Variants in FHIT observed in about 807,000 individuals in gnomAD.
FHIT encodes bis(5'-adenosyl)-triphosphatase.
Under a neutral mutation model 17.9 loss-of-function variants are expected in FHIT, and 19 were observed. The observed-to-expected ratio is 1.06, with a 90% confidence interval of 0.74 to 1.56. The LOEUF (loss-of-function observed/expected upper bound fraction) is 1.56. Ranked by LOEUF, FHIT falls within the 40% of genes most tolerant of loss-of-function variation. The probability of loss-of-function intolerance (pLI) is 0.00; values close to 1 mark genes in which losing one functional copy is unlikely to be tolerated. For synonymous variants in FHIT, 81 were observed against 69.7 expected, an observed-to-expected ratio of 1.16 and a Z score of -0.81; for missense variants, 248 against 189.2, an observed-to-expected ratio of 1.31 and a Z score of -1.82.
chr3:60,352,783 G>A (rs1025517477), intron 5 of FHIT, among the ~76,000 whole-genome samples: 1 of 152,106 alleles, frequency 6.6e-6, no homozygotes, highest in African/African-American at 2.4e-5. Flanking sequence ...CAGGTCACTG[G>A]GTTTACAGGC....
intron 5 of FHIT, among the ~76,000 whole-genome samples, chr3:60,169,046 G>C (rs539643433): frequency 6.0e-4 from 92 of 152,302 alleles, no homozygotes; most frequent in Middle Eastern, 6.8e-3. Context: ...AAAGTACGTG[G>C]ATGACCTAGA....
chr3:60,660,813 CTGTT>C (rs1171926076), intron 4 of FHIT, among the ~76,000 whole-genome samples: 2 of 119,010 alleles, frequency 1.7e-5, no homozygotes, highest in African/African-American at 6.2e-5. Flanking sequence ...TCTAATTGGA[CTGTT>C]TGGGTTTTTT....
intron 8 of FHIT, among the ~76,000 whole-genome samples, chr3:59,902,474 A>G (rs1704374324): frequency 6.6e-6 from 1 of 152,110 alleles, no homozygotes; most frequent in African/African-American, 2.4e-5. Flanking sequence ...TCCCCCATCC[A>G]AAAGAGATAT....
chr3:61,203,851 A>G (rs1323651752), intron 1 of FHIT, among the ~76,000 whole-genome samples: 1 of 152,248 alleles, frequency 6.6e-6, no homozygotes, highest in Non-Finnish European at 1.5e-5. Context: ...TGTCTATATA[A>G]GCAAAGAGGC....
chr3:60,137,668 C>A (rs190660024), intron 5 of FHIT, among the ~76,000 whole-genome samples: 1 of 152,132 alleles, frequency 6.6e-6, no homozygotes, highest in Non-Finnish European at 1.5e-5. Flanking sequence ...GTTAGGAAAT[C>A]TGAGGTCTTT....
At chr3:60,639,030 A>G (rs538114028) in intron 4 of FHIT, among the ~76,000 whole-genome samples, 17 of 149,290 alleles carry the variant, frequency 1.1e-4, no homozygotes, top group Admixed American at 3.4e-4. Flanking sequence ...AAGCTGTTCA[A>G]AAGCATCAGA....
chr3:60,687,217 A>T (rs142155489), intron 4 of FHIT, among the ~76,000 whole-genome samples: 162 of 152,326 alleles, frequency 1.1e-3, no homozygotes, highest in Non-Finnish European at 2.0e-3. Flanking sequence ...TAACAGAAAA[A>T]AAAGGAGTCT....
chr3:60,340,629 G>A (rs973281422), intron 5 of FHIT, among the ~76,000 whole-genome samples: 4 of 152,202 alleles, frequency 2.6e-5, no homozygotes, highest in Non-Finnish European at 5.9e-5. Context: ...ATGGGCTGCA[G>A]GATAATTAAT....
At chr3:60,285,729 T>C (rs1346464379) in intron 5 of FHIT, among the ~76,000 whole-genome samples, 1 of 152,238 alleles carries the variant, frequency 6.6e-6, no homozygotes, top group African/African-American at 2.4e-5. Flanking sequence ...GCTGAGATCT[T>C]GGCTGAGACT....
At chr3:60,236,263 T>C (rs749844727) in intron 5 of FHIT, among the ~76,000 whole-genome samples, 6 of 149,858 alleles carry the variant, frequency 4.0e-5, no homozygotes, top group African/African-American at 7.4e-5. Context: ...TTTCTATGTG[T>C]TTGCCACACA....
At chr3:60,447,816 C>T (rs1007517619) in intron 5 of FHIT, among the ~76,000 whole-genome samples, 1 of 152,130 alleles carries the variant, frequency 6.6e-6, no homozygotes, top group African/African-American at 2.4e-5. Flanking sequence ...CAACTTAAGC[C>T]TTTCTGTAGA....
chr3:60,917,560 T>C (rs536730054), intron 3 of FHIT, among the ~76,000 whole-genome samples: 1 of 152,350 alleles, frequency 6.6e-6, no homozygotes, highest in South Asian at 2.1e-4. Flanking sequence ...CTCCCTACAC[T>C]GGCCTCTATC....
At chr3:60,930,503 T>C (rs1392779465) in intron 3 of FHIT, among the ~76,000 whole-genome samples, 1 of 151,812 alleles carries the variant, frequency 6.6e-6, no homozygotes, top group African/African-American at 2.4e-5. Flanking sequence ...CTACAAAGAA[T>C]CAAACAGATT....
chr3:60,744,185 G>A (rs1248681006), intron 4 of FHIT, among the ~76,000 whole-genome samples: 2 of 135,538 alleles, frequency 1.5e-5, no homozygotes, highest in African/African-American at 2.8e-5. Context: ...GTCTACTGAC[G>A]AAAAACGCGT....
intron 4 of FHIT, among the ~76,000 whole-genome samples, chr3:60,593,259 C>CT (rs1273356814): frequency 6.6e-6 from 1 of 152,094 alleles, no homozygotes; most frequent in Non-Finnish European, 1.5e-5. Context: ...ACAGGAGATC[C>CT]TTTTTTGTCC....
chr3:59,936,454 T>C (rs1295026004), intron 7 of FHIT, among the ~76,000 whole-genome samples: 1 of 113,778 alleles, frequency 8.8e-6, no homozygotes, highest in Non-Finnish European at 1.9e-5. Context: ...ATAATTACAG[T>C]TCTTTAATTT....
intron 7 of FHIT, among the ~76,000 whole-genome samples, chr3:59,992,916 C>T (rs537461414): frequency 3.2e-4 from 48 of 152,074 alleles, no homozygotes; most frequent in Non-Finnish European, 5.4e-4. Flanking sequence ...CACTTGCCAA[C>T]TTTATTCAAA....
chr3:60,769,347 G>C (rs1699963721), intron 4 of FHIT, among the ~76,000 whole-genome samples: 1 of 152,106 alleles, frequency 6.6e-6, no homozygotes, highest in South Asian at 2.1e-4. Flanking sequence ...AGGGGAGAGG[G>C]GAGAGCAGTG....
chr3:60,853,750 G>C (rs774406776), intron 3 of FHIT, among the ~76,000 whole-genome samples: 1 of 152,010 alleles, frequency 6.6e-6, no homozygotes, highest in African/African-American at 2.4e-5. Flanking sequence ...TAGTAAACCT[G>C]CAAATCCTGA....
Sources: allele counts gnomAD v4.1 joint callset (sites outside exome capture counted in the v4.1 genomes callset), GRCh38; gene constraint gnomAD v4.1.1; transcripts MANE v1.5; gene names NCBI Gene and HGNC (gene_info 2026-07-23, HGNC 2026-07-21).